The following MITF variants were observed in gnomAD, a reference collection of about 807,000 sequenced individuals.
The protein encoded by MITF is melanocyte inducing transcription factor, also known as microphthalmia-associated transcription factor.
A neutral mutation model predicts 60.5 loss-of-function variants in MITF; 17 were observed. The ratio of observed to expected loss-of-function variants is 0.28; its 90% CI spans 0.19 to 0.42. The LOEUF (loss-of-function observed/expected upper bound fraction) is 0.42, where lower values mean the gene tolerates loss of function less well. MITF is among the 10% of genes least tolerant of loss of function. The pLI is 1.00. For missense variants in MITF, 622 were observed against 683.5 expected (o/e 0.91, Z 1.00); for synonymous variants, 260 against 248.5 (o/e 1.05, Z -0.43).
At chr3:69,929,325 G>C (rs2065663992) in intron 2 of MITF, among the ~76,000 whole-genome samples, 1 of 152,186 alleles carries the variant, frequency 6.6e-6, no homozygotes, top group East Asian at 1.9e-4. Context: ...ATGTGGGCTG[G>C]ATATGTGAAT....
chr3:69,850,464 T>C (rs1323959737), intron 1 of MITF, among the ~76,000 whole-genome samples: 1 of 150,092 alleles, frequency 6.7e-6, no homozygotes, highest in Non-Finnish European at 1.5e-5. Context: ...AGCTTGGGAA[T>C]ACATAGCATA....
intron 1 of MITF, among the ~76,000 whole-genome samples, chr3:69,774,575 C>G (rs983830079): frequency 6.6e-6 from 1 of 152,156 alleles, no homozygotes; most frequent in Non-Finnish European, 1.5e-5. Context: ...GCAATGTATT[C>G]CTTGTGTTCT....
At chr3:69,909,195 G>T (rs746235222) in intron 2 of MITF, among the ~76,000 whole-genome samples, 1 of 152,056 alleles carries the variant, frequency 6.6e-6, no homozygotes, top group South Asian at 2.1e-4. Context: ...TAAGTCTCAC[G>T]AGATCTGATG....
At chr3:69,945,916 G>T (rs140812640) in intron 5 of MITF, among the ~76,000 whole-genome samples, 3 of 152,292 alleles carry the variant, frequency 2.0e-5, no homozygotes, top group Non-Finnish European at 4.4e-5. Flanking sequence ...CCTGATTTCT[G>T]TTCCTAGATT....
At chr3:69,877,582 T>C (rs1307850294) in intron 1 of MITF, among the ~76,000 whole-genome samples, 2 of 152,232 alleles carry the variant, frequency 1.3e-5, no homozygotes, top group African/African-American at 2.4e-5. Context: ...GGTTGCATCA[T>C]GTTACATTTT....
intron 5 of MITF, among the ~76,000 whole-genome samples, chr3:69,948,333 A>G (rs1471505434): frequency 2.0e-5 from 3 of 152,182 alleles, no homozygotes; most frequent in Non-Finnish European, 4.4e-5. Context: ...CGCTGCTTTA[A>G]AACAGCCCAT....
intron 1 of MITF, among the ~76,000 whole-genome samples, chr3:69,840,745 G>GT (rs1048840597): frequency 6.8e-6 from 1 of 148,116 alleles, no homozygotes; most frequent in Non-Finnish European, 1.5e-5. Flanking sequence ...GCACAAAACT[G>GT]TTTTTTTCTC....
chr3:69,860,419 C>T (rs1229293588), intron 1 of MITF, among the ~76,000 whole-genome samples: 1 of 151,910 alleles, frequency 6.6e-6, no homozygotes, highest in Non-Finnish European at 1.5e-5. Flanking sequence ...ACGGTGAAAC[C>T]CCCCGTGTCT....
chr3:69,786,038 C>G (rs2062643000), intron 1 of MITF, among the ~76,000 whole-genome samples: 1 of 152,198 alleles, frequency 6.6e-6, no homozygotes, highest in Admixed American at 6.5e-5. Context: ...ATTCTAACAT[C>G]TGTTTGGAGA....
At chr3:69,746,073 C>T (rs567604473) in intron 1 of MITF, among the ~76,000 whole-genome samples, 5 of 152,268 alleles carry the variant, frequency 3.3e-5, no homozygotes, top group East Asian at 1.9e-4. Context: ...ATGTTCAAAT[C>T]GTACTATGCA....
At chr3:69,910,958 CA>C (rs1369364100) in intron 2 of MITF, among the ~76,000 whole-genome samples, 2 of 151,854 alleles carry the variant, frequency 1.3e-5, no homozygotes, top group African/African-American at 4.8e-5. Context: ...TTGGAGGGGC[CA>C]GGGGTGGAAT....
At chr3:69,810,211 T>G (rs896785173) in intron 1 of MITF, among the ~76,000 whole-genome samples, 9 of 152,210 alleles carry the variant, frequency 5.9e-5, no homozygotes, top group African/African-American at 2.2e-4. Context: ...TGTTGCAGCA[T>G]TTGATACTAA....
intron 1 of MITF, chr3:69,763,567 C>G (rs2062242557): frequency 8.6e-7 from 1 of 1,168,754 alleles, no homozygotes; most frequent in Non-Finnish European, 1.1e-6. Context: ...ATTTAGCCTT[C>G]CTAGTGTTGA....
chr3:69,946,532 A>G (rs1400934109), intron 5 of MITF, among the ~76,000 whole-genome samples: 2 of 152,164 alleles, frequency 1.3e-5, no homozygotes, highest in African/African-American at 4.8e-5. Flanking sequence ...TTCTTTCTGT[A>G]AAAAGCAGTA....
intron 1 of MITF, among the ~76,000 whole-genome samples, chr3:69,825,571 C>T (rs1312116697): frequency 6.6e-6 from 1 of 152,174 alleles, no homozygotes; most frequent in Admixed American, 6.5e-5. Context: ...ATTAAGAGTG[C>T]ATGTCAAGCG....
At chr3:69,919,249 A>G (rs2065408247) in intron 2 of MITF, among the ~76,000 whole-genome samples, 1 of 152,228 alleles carries the variant, frequency 6.6e-6, no homozygotes, top group Non-Finnish European at 1.5e-5. Context: ...GTAAGAGCCC[A>G]TTTAAGTCCA....
At chr3:69,949,973 TA>T (rs1223125302) in intron 6 of MITF, among the ~76,000 whole-genome samples, 3 of 152,254 alleles carry the variant, frequency 2.0e-5, no homozygotes, top group East Asian at 1.9e-4. Context: ...AAGGATGTCT[TA>T]AAAAAATTTT....
At position 69,967,400 on chromosome 3, in the gene MITF, T is replaced by TG. The variant is rs550555819; in HGVS notation, c.*2159dup. On this transcript the variant is annotated 3_prime_UTR_variant, in exon 10 of 10. Transcript: ENST00000352241. ...GTCTATTTTTCTCTTCATATTTATA[T>TG]GGGGGGGAGGGCGCTGGATGCAAAA... 4.4e-3 allele frequency: 1,032 copies of TG among 232,616 alleles called. 4 individuals carry two copies. Among genetic ancestry groups the TG allele is most frequent in the Non-Finnish European group, 6.6e-3 (773 of 117,422 alleles). The allele number at this position is 232,616 out of a possible 1,614,324, so 14.4% of individuals were successfully genotyped here.
At chr3:69,922,792 T>C (rs1307902559) in intron 2 of MITF, among the ~76,000 whole-genome samples, 1 of 152,196 alleles carries the variant, frequency 6.6e-6, no homozygotes, top group African/African-American at 2.4e-5. Context: ...GGAAGATTGT[T>C]TGTTTGCTGA....
Sources: gnomAD v4.1 joint callset for allele counts (sites outside exome capture counted in the v4.1 genomes callset) on GRCh38, gnomAD v4.1.1 for gene constraint, MANE v1.5 for transcripts, NCBI Gene and HGNC (gene_info 2026-07-23, HGNC 2026-07-21) for gene names.